Variants in SEPTIN10 observed in about 807,000 individuals in gnomAD.
SEPTIN10 encodes septin-10.
A neutral mutation model predicts 54.8 loss-of-function variants in SEPTIN10; 66 were observed. That is an observed-to-expected ratio of 1.21 (90% CI 0.99 to 1.48). SEPTIN10 has a LOEUF of 1.48. Ranked by LOEUF, SEPTIN10 falls within the 40% of genes most tolerant of loss-of-function variation. The pLI is 0.00. For missense variants in SEPTIN10, 620 were observed against 545.6 expected (o/e 1.14, Z -1.36); for synonymous variants, 161 against 181.0 (o/e 0.89, Z 0.89).
At chr2:109,605,851 C>G (rs1054714712) in intron 1 of SEPTIN10, among the ~76,000 whole-genome samples, 2 of 152,122 alleles carry the variant, frequency 1.3e-5, no homozygotes, top group African/African-American at 4.8e-5. Context: ...CAGAAATTCT[C>G]TCAATGATCC....
chr2:109,610,490 G>A (rs148936468), intron 1 of SEPTIN10, among the ~76,000 whole-genome samples: 1,757 of 152,298 alleles, frequency 0.012, 30 homozygotes, highest in African/African-American at 0.04. Flanking sequence ...TGAGACGGGT[G>A]GATCACCTGA....
intron 8 of SEPTIN10, 149 bp downstream of exon 8, chr2:109,564,217 G>T: frequency 1.5e-6 from 1 of 661,532 alleles, no homozygotes; most frequent in Non-Finnish European, 2.2e-6. Flanking sequence ...AGTGATTCAA[G>T]AAGCACAATA....
intron 5 of SEPTIN10, among the ~76,000 whole-genome samples, chr2:109,570,411 C>T (rs538123891): frequency 2.6e-5 from 4 of 152,148 alleles, no homozygotes; most frequent in Non-Finnish European, 5.9e-5. Context: ...ATTCAACCAA[C>T]TGAGGATCAA....
At chr2:109,607,668 G>T (rs573585923) in intron 1 of SEPTIN10, among the ~76,000 whole-genome samples, 46 of 152,108 alleles carry the variant, frequency 3.0e-4, no homozygotes, top group Middle Eastern at 3.4e-3. Context: ...TCCTGAGGGG[G>T]TAATAATGAA....
chr2:109,583,087 T>C (rs781311163), intron 4 of SEPTIN10, among the ~76,000 whole-genome samples: 1 of 152,162 alleles, frequency 6.6e-6, no homozygotes, highest in Non-Finnish European at 1.5e-5. Flanking sequence ...GAAGAAAACC[T>C]AGAAAGCACC....
chr2:109,613,194 GCTTA>G, intron 1 of SEPTIN10: 2 of 1,287,886 alleles, frequency 1.6e-6, no homozygotes, highest in South Asian at 1.2e-5. Context: ...AAAACCGCTG[GCTTA>G]CTAACAAGCG....
chr2:109,582,176 G>C (rs1691346182), intron 4 of SEPTIN10, among the ~76,000 whole-genome samples: 2 of 151,750 alleles, frequency 1.3e-5, no homozygotes, highest in African/African-American at 4.8e-5. Flanking sequence ...TCTGCAAAGA[G>C]AACTACAAAA....
intron 1 of SEPTIN10, among the ~76,000 whole-genome samples, chr2:109,610,716 CA>C (rs1218345454): frequency 1.4e-5 from 2 of 147,948 alleles, no homozygotes; most frequent in Non-Finnish European, 3.0e-5. Flanking sequence ...ATTCCGTCTT[CA>C]AAAAAAAAGA....
At chr2:109,594,171 CTG>C (rs1394695586) in intron 1 of SEPTIN10, among the ~76,000 whole-genome samples, 1 of 152,186 alleles carries the variant, frequency 6.6e-6, no homozygotes, top group African/African-American at 2.4e-5. Flanking sequence ...ACAAGAAAAA[CTG>C]TACTAATTCC....
chr2:109,585,096 C>G, intron 4 of SEPTIN10, 30 bp downstream of exon 4: 1 of 1,417,678 alleles, frequency 7.1e-7, no homozygotes, highest in Non-Finnish European at 9.5e-7. Flanking sequence ...ATAAGAAAAA[C>G]TTGTTTTATT....
rs1354690537 is a variant in SEPTIN10, at chr2:109,544,341, C to A, written c.1350-17G>T. ...AAATTGGAGCTGGAAAGAAAAAGAACCTTTTGATTGGTACAATTTAAAAAA... is the reference window on the plus strand; with the variant it reads ...AAATTGGAGCTGGAAAGAAAAAGAAACTTTTGATTGGTACAATTTAAAAAA... On this transcript the variant is annotated splice_polypyrimidine_tract_variant and intron_variant, in intron 10 of 10. Transcript: ENST00000397712. The A allele has an allele frequency of 1.3e-6, 2 of 1,579,246 alleles. No homozygotes were observed. Among genetic ancestry groups the A allele is most frequent in the Non-Finnish European group, 1.7e-6 (2 of 1,170,236 alleles).
intron 7 of SEPTIN10, 142 bp from the exon 8 acceptor site, chr2:109,564,676 T>C: frequency 2.9e-6 from 2 of 681,514 alleles, no homozygotes; most frequent in Non-Finnish European, 2.2e-6. Context: ...GCTACGATTA[T>C]TTTATACATG....
chr2:109,592,540 G>GA (rs554846120), intron 2 of SEPTIN10, among the ~76,000 whole-genome samples: 13 of 151,798 alleles, frequency 8.6e-5, no homozygotes, highest in Admixed American at 1.3e-4. Flanking sequence ...AGCACTTTGG[G>GA]AGGCTGAGGT....
At chr2:109,564,639 A>G (rs1343132496) in intron 7 of SEPTIN10, 105 bp from the exon 8 acceptor site, 10 of 989,008 alleles carry the variant, frequency 1.0e-5, no homozygotes, top group Non-Finnish European at 1.4e-5. Context: ...TGAAACAACA[A>G]ATAGCAAATG....
intron 1 of SEPTIN10, among the ~76,000 whole-genome samples, chr2:109,611,687 G>A (rs1423059535): frequency 6.6e-6 from 1 of 152,148 alleles, no homozygotes; most frequent in African/African-American, 2.4e-5. Context: ...CTTGAGCCCA[G>A]GAGATTGAGG....
At chr2:109,586,225 G>C (rs894298144) in intron 2 of SEPTIN10, among the ~76,000 whole-genome samples, 3 of 152,126 alleles carry the variant, frequency 2.0e-5, no homozygotes, top group African/African-American at 7.2e-5. Flanking sequence ...CAAAACAAAA[G>C]TACAGATACA....
intron 5 of SEPTIN10, 138 bp downstream of exon 5, chr2:109,574,443 T>TAA (rs55980206): frequency 0.13 from 34,416 of 266,536 alleles, 1,950 homozygotes; most frequent in South Asian, 0.17. Flanking sequence ...ACTTTATCTC[T>TAA]AAAAAAAAAA....
intron 8 of SEPTIN10, among the ~76,000 whole-genome samples, chr2:109,556,591 C>T (rs555874060): frequency 1.1e-4 from 16 of 152,128 alleles, no homozygotes; most frequent in Non-Finnish European, 1.6e-4. Flanking sequence ...ATACCCTAGA[C>T]ATCACATGTC....
intron 8 of SEPTIN10, among the ~76,000 whole-genome samples, chr2:109,562,084 A>G (rs1218877540): frequency 6.6e-6 from 1 of 151,912 alleles, no homozygotes; most frequent in East Asian, 1.9e-4. Context: ...GTGGTGGTGC[A>G]TGCCTATAGT....
Sources: gnomAD v4.1 joint callset for allele counts (sites outside exome capture counted in the v4.1 genomes callset) on GRCh38, gnomAD v4.1.1 for gene constraint, MANE v1.5 for transcripts, NCBI Gene and HGNC (gene_info 2026-07-23, HGNC 2026-07-21) for gene names.